The following PLCB4 variants were observed in gnomAD, a reference collection of about 807,000 sequenced individuals.
The protein encoded by PLCB4 is 1-phosphatidylinositol 4,5-bisphosphate phosphodiesterase beta-4.
PLCB4 carries 77 observed loss-of-function variants against 178.8 expected under a neutral mutation model. That is an observed-to-expected ratio of 0.43 (90% CI 0.36 to 0.52). The LOEUF is 0.52. Among genes scored for constraint, PLCB4 ranks in the 20% least tolerant of loss-of-function variants. The pLI, the probability that PLCB4 is intolerant of heterozygous loss-of-function variation, is 0.00. For synonymous variants in PLCB4, 496 were observed against 490.8 expected (o/e 1.01, Z -0.14); for missense variants, 1,024 against 1,453.4 (o/e 0.70, Z 4.80).
At chr20:9,392,058 A>T (rs1342769651) in intron 17 of PLCB4, among the ~76,000 whole-genome samples, 2 of 152,046 alleles carry the variant, frequency 1.3e-5, no homozygotes, top group Non-Finnish European at 2.9e-5. Flanking sequence ...GATTTATTTT[A>T]TTTGTTTTTA....
intron 2 of PLCB4, among the ~76,000 whole-genome samples, chr20:9,153,620 G>A (rs547650207): frequency 2.0e-5 from 3 of 152,252 alleles, no homozygotes; most frequent in African/African-American, 7.2e-5. Flanking sequence ...TCATCAGCAT[G>A]AAAACAAACT....
intron 2 of PLCB4, among the ~76,000 whole-genome samples, chr20:9,212,022 G>T (rs775454759): frequency 2.6e-5 from 4 of 152,202 alleles, no homozygotes; most frequent in African/African-American, 7.2e-5. Flanking sequence ...GCAGTGTGCA[G>T]TGCCCCATCA....
chr20:9,098,942 T>G (rs1234876643), intron 2 of PLCB4, among the ~76,000 whole-genome samples: 1 of 151,196 alleles, frequency 6.6e-6, no homozygotes, highest in South Asian at 2.1e-4. Flanking sequence ...TATGTATATA[T>G]ACGTATATAT....
At chr20:9,341,757 G>T (rs1365335462) in intron 7 of PLCB4, among the ~76,000 whole-genome samples, 1 of 151,900 alleles carries the variant, frequency 6.6e-6, no homozygotes, top group Non-Finnish European at 1.5e-5. Context: ...GGTTGGGGGT[G>T]GGGGGATGTA....
At position 9,157,493 on chromosome 20, in the gene PLCB4, A is replaced by C. The variant is rs541971044; in HGVS notation, c.-78-59897A>C. Among the ~76,000 whole-genome samples the C allele has an allele frequency of 4.6e-5, 7 of 152,310 alleles. No individual in the cohort carries two copies. In the East Asian group the frequency reaches 1.4e-3, roughly 30 times the overall value. The stretch of plus-strand genomic sequence containing the variant: ...CATTTTTAACTCTTAGTAATTAAAA[A>C]TTGGAACCTTTAAGTAGGGAGAGAA... On this transcript the variant is annotated intron_variant, in intron 2 of 39. Transcript: ENST00000378473.
chr20:9,305,507 G>A (rs1041435278), intron 3 of PLCB4, among the ~76,000 whole-genome samples: 7 of 151,940 alleles, frequency 4.6e-5, no homozygotes, highest in African/African-American at 1.4e-4. Context: ...TAGGATTTGG[G>A]TTGGCTAATT....
At chr20:9,135,004 A>T (rs1209211646) in intron 2 of PLCB4, among the ~76,000 whole-genome samples, 1 of 152,094 alleles carries the variant, frequency 6.6e-6, no homozygotes, top group Admixed American at 6.6e-5. Flanking sequence ...TTGGCAGAAG[A>T]TAATAGCTTT....
At chr20:9,435,697 T>A in intron 29 of PLCB4, 49 bp downstream of exon 29, 6 of 1,033,250 alleles carry the variant, frequency 5.8e-6, no homozygotes, top group Non-Finnish European at 9.1e-6. Flanking sequence ...GGAGTTTGAT[T>A]ATCAAACAGT....
At chr20:9,268,676 C>G (rs2094373109) in intron 3 of PLCB4, among the ~76,000 whole-genome samples, 1 of 152,188 alleles carries the variant, frequency 6.6e-6, no homozygotes, top group South Asian at 2.1e-4. Context: ...GAAAGACTAT[C>G]AACATCCACT....
At chr20:9,359,926 C>T (rs2050024) in intron 7 of PLCB4, among the ~76,000 whole-genome samples, 1 of 151,876 alleles carries the variant, frequency 6.6e-6, no homozygotes. Flanking sequence ...GTTAAAAAAA[C>T]CCCAACAAGA....
At chr20:9,088,947 CAG>C (rs1436738211) in intron 1 of PLCB4, among the ~76,000 whole-genome samples, 15 of 151,418 alleles carry the variant, frequency 9.9e-5, no homozygotes, top group East Asian at 7.7e-4. Context: ...ATATAACTGT[CAG>C]AGAAATGACA....
chr20:9,234,946 C>G (rs1173292398), intron 3 of PLCB4, among the ~76,000 whole-genome samples: 1 of 152,162 alleles, frequency 6.6e-6, no homozygotes, highest in Non-Finnish European at 1.5e-5. Context: ...TCAGTTTTCT[C>G]CAGCCAAACT....
intron 34 of PLCB4, among the ~76,000 whole-genome samples, chr20:9,458,107 A>C (rs1245893301): frequency 1.3e-5 from 2 of 152,160 alleles, no homozygotes; most frequent in African/African-American, 2.4e-5. Flanking sequence ...AAAAAGAAAA[A>C]AAAAACCAAC....
chr20:9,092,170 C>G (rs1238593195), intron 1 of PLCB4, among the ~76,000 whole-genome samples: 2 of 152,200 alleles, frequency 1.3e-5, no homozygotes, highest in East Asian at 3.9e-4. Context: ...ATTTACTTTT[C>G]TTTGTGAGAC....
rs752885585 is a variant in PLCB4 at position 9,423,844 on chromosome 20, G to C, written c.2416G>C (p.Ala806Pro). ...QRILPLDGLQ[A>P]GYRHISLRNE... ...GATCCTCCCGCTTGATGGCCTCCAAGCCGGATATCGACACATTTCCCTTCG... is the reference window on the plus strand; with the variant it reads ...GATCCTCCCGCTTGATGGCCTCCAACCCGGATATCGACACATTTCCCTTCG... Residue 806 changes from alanine to proline, a missense_variant, in exon 28 of 40, where the codon GCC becomes CCC. By Grantham distance (27) the Ala-to-Pro change is conservative (BLOSUM62 -1). Coordinates refer to ENST00000378473, the MANE Select transcript of PLCB4 (RefSeq NM_001377142.1). The C allele has an allele frequency of 6.8e-6, 11 of 1,613,796 alleles. No homozygotes were observed. Among genetic ancestry groups the C allele is most frequent in the Non-Finnish European group, 8.5e-6 (10 of 1,179,870 alleles).
At chr20:9,220,859 A>G (rs2093789643) in intron 3 of PLCB4, among the ~76,000 whole-genome samples, 1 of 152,162 alleles carries the variant, frequency 6.6e-6, no homozygotes, top group Non-Finnish European at 1.5e-5. Flanking sequence ...GCAGTGCTCT[A>G]TAGGAATGAG....
At chr20:9,165,676 C>G (rs906171310) in intron 2 of PLCB4, among the ~76,000 whole-genome samples, 7 of 152,190 alleles carry the variant, frequency 4.6e-5, no homozygotes, top group South Asian at 4.2e-4. Flanking sequence ...GATTGGCCAT[C>G]CTAAAACATC....
At chr20:9,413,522 G>T (rs1420904936) in intron 25 of PLCB4, among the ~76,000 whole-genome samples, 2 of 151,974 alleles carry the variant, frequency 1.3e-5, no homozygotes, top group African/African-American at 2.4e-5. Context: ...AGCCGGGCGT[G>T]GTGGCGGGCA....
At chr20:9,302,497 A>G (rs1486292671) in intron 3 of PLCB4, among the ~76,000 whole-genome samples, 1 of 152,126 alleles carries the variant, frequency 6.6e-6, no homozygotes, top group Non-Finnish European at 1.5e-5. Context: ...TAGCACAAAG[A>G]ACAGCCTCGA....
Sources: allele counts gnomAD v4.1 joint callset (sites outside exome capture counted in the v4.1 genomes callset), GRCh38; gene constraint gnomAD v4.1.1; transcripts MANE v1.5; gene names NCBI Gene and HGNC (gene_info 2026-07-23, HGNC 2026-07-21).